Variants in FNDC3A observed in about 807,000 individuals in gnomAD.
The protein encoded by FNDC3A is fibronectin type III domain containing 3A.
FNDC3A carries 32 observed loss-of-function variants against 148.9 expected under a neutral mutation model. The observed-to-expected ratio is 0.21, with a 90% confidence interval of 0.16 to 0.29. The LOEUF is 0.29. Among genes scored for constraint, FNDC3A ranks in the 10% least tolerant of loss-of-function variants. The pLI is 1.00. For synonymous variants in FNDC3A, 472 were observed against 473.6 expected, an observed-to-expected ratio of 1.00 and a Z score of 0.04; for missense variants, 1,191 against 1,452.8, an observed-to-expected ratio of 0.82 and a Z score of 2.93.
intron 2 of FNDC3A, among the ~76,000 whole-genome samples, chr13:49,074,769 C>T (rs1380142982): frequency 6.6e-6 from 1 of 151,990 alleles, no homozygotes; most frequent in African/African-American, 2.4e-5. Flanking sequence ...TTTTTTTCCC[C>T]AGTTTCCTGT....
intron 8 of FNDC3A, among the ~76,000 whole-genome samples, chr13:49,161,369 C>T (rs1884104301): frequency 1.3e-5 from 2 of 152,158 alleles, no homozygotes; most frequent in South Asian, 4.1e-4. Context: ...ATGGCCTTGT[C>T]TCTTGACCTT....
chr13:49,001,219 A>T (rs1016397463), intron 1 of FNDC3A, among the ~76,000 whole-genome samples: 2 of 152,172 alleles, frequency 1.3e-5, no homozygotes, highest in Admixed American at 1.3e-4. Context: ...CGATCTCCAA[A>T]CATAAATTGT....
intron 2 of FNDC3A, among the ~76,000 whole-genome samples, chr13:49,056,387 G>C (rs1308792998): frequency 1.3e-5 from 2 of 152,074 alleles, no homozygotes; most frequent in Non-Finnish European, 2.9e-5. Flanking sequence ...AAGCTTTTAA[G>C]ATCTCTTTGT....
intron 2 of FNDC3A, among the ~76,000 whole-genome samples, chr13:49,055,541 T>C (rs930253786): frequency 1.5e-4 from 23 of 152,176 alleles, no homozygotes; most frequent in African/African-American, 3.9e-4. Flanking sequence ...ATCTTTATTC[T>C]CTGAAGCCTG....
intron 14 of FNDC3A, among the ~76,000 whole-genome samples, chr13:49,179,233 TACTA>T (rs67300290): frequency 0.32 from 48,679 of 151,754 alleles, 7,883 homozygotes; most frequent in South Asian, 0.48. Flanking sequence ...TGTTAGAACA[TACTA>T]AGTATATGCT....
At chr13:49,042,772 CA>C (rs1248473344) in intron 2 of FNDC3A, among the ~76,000 whole-genome samples, 1 of 150,402 alleles carries the variant, frequency 6.6e-6, no homozygotes, top group Non-Finnish European at 1.5e-5. Flanking sequence ...GACCCTGTCT[CA>C]AAAAAAAATT....
chr13:49,091,249 C>T (rs187751080), intron 3 of FNDC3A, among the ~76,000 whole-genome samples: 1 of 148,702 alleles, frequency 6.7e-6, no homozygotes, highest in African/African-American at 2.5e-5. Context: ...TACAAAGAAA[C>T]AGAAAAGTAT....
chr13:49,170,507 A>T (rs1884699631), intron 10 of FNDC3A, among the ~76,000 whole-genome samples: 1 of 152,140 alleles, frequency 6.6e-6, no homozygotes, highest in Admixed American at 6.6e-5. Flanking sequence ...TGATGACAAA[A>T]AGCTCACTAA....
chr13:49,039,012 A>G (rs991816622), intron 2 of FNDC3A, among the ~76,000 whole-genome samples: 1 of 152,172 alleles, frequency 6.6e-6, no homozygotes, highest in African/African-American at 2.4e-5. Flanking sequence ...GGACAATTCT[A>G]AGACATCATC....
At chr13:49,020,477 A>G (rs907854047) in intron 2 of FNDC3A, among the ~76,000 whole-genome samples, 1 of 152,244 alleles carries the variant, frequency 6.6e-6, no homozygotes, top group African/African-American at 2.4e-5. Flanking sequence ...TAATCTCTGT[A>G]GTTTACCAAA....
At chr13:49,130,231 T>G (rs931570498) in intron 4 of FNDC3A, among the ~76,000 whole-genome samples, 2 of 148,902 alleles carry the variant, frequency 1.3e-5, no homozygotes. Context: ...GTTTTTTGGT[T>G]TTTTTTTTTT....
At chr13:49,023,906 G>T (rs186635026) in intron 2 of FNDC3A, among the ~76,000 whole-genome samples, 5 of 151,828 alleles carry the variant, frequency 3.3e-5, no homozygotes, top group South Asian at 4.1e-4. Flanking sequence ...AACTCATAAC[G>T]TTCTCCTTTC....
chr13:49,158,404 A>G (rs940020301), intron 8 of FNDC3A, among the ~76,000 whole-genome samples: 14 of 152,084 alleles, frequency 9.2e-5, no homozygotes, highest in Non-Finnish European at 1.6e-4. Context: ...GCGCTCACTG[A>G]CCTGCGCCCA....
rs575110772 is a variant in FNDC3A, at chr13:49,043,258, C to T, written c.100-32031C>T. Among the ~76,000 whole-genome samples the T allele has an allele frequency of 1.2e-4, 18 of 152,202 alleles. No homozygotes were observed. In the South Asian group the frequency reaches 2.5e-3, roughly 21 times the overall value. On this transcript the variant is annotated intron_variant, in intron 2 of 25. Coordinates refer to ENST00000492622, the MANE Select transcript of FNDC3A (RefSeq NM_001079673.2). ...GGAATTACAGGCGTGAGCCACTGGACCCATCCTGCAAACATATTTTTAAGC... is the reference window on the plus strand; with the variant it reads ...GGAATTACAGGCGTGAGCCACTGGATCCATCCTGCAAACATATTTTTAAGC...
chr13:49,046,869 A>G (rs1407657719), intron 2 of FNDC3A: 2 of 151,816 alleles, frequency 1.3e-5, no homozygotes, highest in Admixed American at 1.3e-4. Flanking sequence ...TTTTTATTTC[A>G]GTAGGTTTTT....
intron 8 of FNDC3A, among the ~76,000 whole-genome samples, chr13:49,157,285 T>C (rs1315199408): frequency 4.0e-5 from 5 of 126,250 alleles, no homozygotes; most frequent in Non-Finnish European, 8.3e-5. Context: ...CTTCCATTGC[T>C]GATACCCTTT....
rs1324205417 is a variant in FNDC3A, at chr13:49,104,505, CCCAGG to C, written c.176-10149_176-10145del. Among the ~76,000 whole-genome samples the C allele has an allele frequency of 1.7e-4, 25 of 150,894 alleles. 2 individuals carry two copies. In the South Asian group the frequency reaches 5.3e-3, roughly 32 times the overall value. On this transcript the variant is annotated intron_variant, in intron 3 of 25. Coordinates refer to ENST00000492622, the MANE Select transcript of FNDC3A (RefSeq NM_001079673.2). ...CGCCACTGCACTCCAGCCCAGGTGGCCCAGGTGACAGAGTGAGACTACGTCTCAAA... is the reference window on the plus strand; with the variant it reads ...CGCCACTGCACTCCAGCCCAGGTGGCTGACAGAGTGAGACTACGTCTCAAA...
intron 1 of FNDC3A, among the ~76,000 whole-genome samples, chr13:49,003,932 C>T (rs970518373): frequency 4.6e-5 from 7 of 152,062 alleles, no homozygotes; most frequent in African/African-American, 1.7e-4. Context: ...CAGTGATATG[C>T]TGGAGCTGTC....
intron 2 of FNDC3A, among the ~76,000 whole-genome samples, chr13:49,068,172 T>TAAA (rs1209565702): frequency 1.5e-5 from 2 of 137,478 alleles, no homozygotes; most frequent in African/African-American, 5.4e-5. Context: ...CGTCTTTATT[T>TAAA]AAAAAAAAAA....
Sources: gnomAD v4.1 joint callset for allele counts (sites outside exome capture counted in the v4.1 genomes callset) on GRCh38, gnomAD v4.1.1 for gene constraint, MANE v1.5 for transcripts, NCBI Gene and HGNC (gene_info 2026-07-23, HGNC 2026-07-21) for gene names.